Variants in ZNF365 observed in about 807,000 individuals in gnomAD.
ZNF365 encodes zinc finger protein 365.
In ZNF365, 22 loss-of-function variants were observed where a neutral mutation model predicts 35.0. That is an observed-to-expected ratio of 0.63 (90% CI 0.45 to 0.90). The LOEUF (loss-of-function observed/expected upper bound fraction) is 0.90. ZNF365 is among the 40% of genes least tolerant of loss of function. The probability of loss-of-function intolerance (pLI) is 0.00; values close to 1 mark genes in which losing one functional copy is unlikely to be tolerated. For synonymous variants in ZNF365, 188 were observed against 196.2 expected, an observed-to-expected ratio of 0.96 and a Z score of 0.35; for missense variants, 448 against 500.3, an observed-to-expected ratio of 0.90 and a Z score of 1.00.
chr10:62,383,314 A>G (rs1422265508), intron 2 of ZNF365, among the ~76,000 whole-genome samples: 1 of 152,204 alleles, frequency 6.6e-6, no homozygotes, highest in East Asian at 1.9e-4. Flanking sequence ...GTGCATGGTG[A>G]TAAGGTACAA....
Position 62,472,454 on chromosome 10 carries a change from A to C in ZNF365, c.982-7422A>C, listed in dbSNP as rs185153405. Among the ~76,000 whole-genome samples the C allele has an allele frequency of 6.3e-4, 96 of 152,344 alleles. 1 individual carries two copies. The highest frequency in any genetic ancestry group is 5.9e-5 in the Non-Finnish European group (4 of 68,036). On this transcript the variant is annotated intron_variant, in intron 4 of 4. Coordinates refer to the ZNF365 transcript ENST00000395255. ...AGAGTAGACCTTAACCCAATGTCAC[A>C]GGTGTTCTTAAAAAGGGAGAAATTT...
exon 4 of ZNF365, chr10:62,459,783 G>T: frequency 1.2e-6 from 2 of 1,609,650 alleles, no homozygotes; most frequent in South Asian, 1.1e-5. Context: ...GTGCCAAAAT[G>T]ACCTGGAATT....
At chr10:62,411,743 A>AT (rs1354343715) in intron 3 of ZNF365, among the ~76,000 whole-genome samples, 1 of 151,968 alleles carries the variant, frequency 6.6e-6, no homozygotes, top group East Asian at 1.9e-4. Flanking sequence ...TTTGCTTAGG[A>AT]TTGTCTTGGC....
chr10:62,398,928 A>G (rs752107837), intron 4 of ZNF365, 151 bp downstream of exon 4: 16 of 733,626 alleles, frequency 2.2e-5, no homozygotes, highest in Admixed American at 3.1e-5. Flanking sequence ...CTGCATGTGT[A>G]TCTAACTTTG....
intron 3 of ZNF365, among the ~76,000 whole-genome samples, chr10:62,458,305 A>G (rs1408094783): frequency 6.6e-6 from 1 of 152,062 alleles, no homozygotes; most frequent in Non-Finnish European, 1.5e-5. Context: ...ATCTATCCAT[A>G]CTATTCACTG....
exon 5 of ZNF365, chr10:62,479,893 A>G (rs777159806): frequency 6.2e-7 from 1 of 1,613,502 alleles, no homozygotes; most frequent in East Asian, 2.2e-5. Context: ...CGATTGTGGA[A>G]TAATGAACTT....
intron 4 of ZNF365, among the ~76,000 whole-genome samples, chr10:62,475,187 TC>T (rs1356538032): frequency 6.6e-6 from 1 of 152,190 alleles, no homozygotes; most frequent in Non-Finnish European, 1.5e-5. Flanking sequence ...ATCACTTAAT[TC>T]CTCACAATGG....
At chr10:62,454,118 A>G (rs551888417) in intron 3 of ZNF365, among the ~76,000 whole-genome samples, 1 of 152,326 alleles carries the variant, frequency 6.6e-6, no homozygotes, top group South Asian at 2.1e-4. Context: ...TTCTTCATGA[A>G]GATAATGATG....
intron 3 of ZNF365, among the ~76,000 whole-genome samples, chr10:62,409,390 G>C (rs1839952160): frequency 6.6e-6 from 1 of 152,160 alleles, no homozygotes; most frequent in Non-Finnish European, 1.5e-5. Flanking sequence ...TGTGATGTAA[G>C]AATGCCATTT....
intron 3 of ZNF365, among the ~76,000 whole-genome samples, chr10:62,391,378 C>T (rs570681764): frequency 2.0e-5 from 3 of 152,266 alleles, no homozygotes; most frequent in Non-Finnish European, 4.4e-5. Context: ...ATCTCTCACA[C>T]CCCTCTCATC....
intron 3 of ZNF365, among the ~76,000 whole-genome samples, chr10:62,445,775 C>T (rs1435289347): frequency 3.3e-5 from 5 of 152,184 alleles, no homozygotes; most frequent in Admixed American, 3.3e-4. Flanking sequence ...TTGAGAACCA[C>T]TGATTCAAAG....
chr10:62,444,809 T>C (rs775783251), intron 3 of ZNF365, among the ~76,000 whole-genome samples: 3 of 152,246 alleles, frequency 2.0e-5, no homozygotes, highest in Non-Finnish European at 4.4e-5. Context: ...AGTTTTAGGA[T>C]ACATGGGCAC....
At chr10:62,411,453 T>G (rs561638876) in intron 3 of ZNF365, among the ~76,000 whole-genome samples, 1 of 152,318 alleles carries the variant, frequency 6.6e-6, no homozygotes, top group African/African-American at 2.4e-5. Flanking sequence ...TTAATTTTTG[T>G]ATAAGGTGCA....
At chr10:62,430,216 T>C (rs899435475) in intron 3 of ZNF365, among the ~76,000 whole-genome samples, 32 of 151,824 alleles carry the variant, frequency 2.1e-4, no homozygotes, top group African/African-American at 7.7e-4. Flanking sequence ...TTTTTAAAGG[T>C]TCTAATTTTA....
intron 3 of ZNF365, among the ~76,000 whole-genome samples, chr10:62,445,535 T>C (rs1840572671): frequency 6.6e-6 from 1 of 152,198 alleles, no homozygotes; most frequent in Non-Finnish European, 1.5e-5. Flanking sequence ...CAGAATTGCA[T>C]GGAGAGCTTT....
chr10:62,423,959 T>C (rs932409587), intron 3 of ZNF365, among the ~76,000 whole-genome samples: 4 of 152,212 alleles, frequency 2.6e-5, no homozygotes, highest in Non-Finnish European at 4.4e-5. Context: ...TGAAGTATAT[T>C]ATACTTTCTT....
intron 3 of ZNF365, among the ~76,000 whole-genome samples, chr10:62,435,862 A>G (rs1589452800): frequency 1.3e-5 from 2 of 152,218 alleles, no homozygotes; most frequent in East Asian, 3.8e-4. Context: ...TGATGTCATT[A>G]TCTGAAATAT....
At chr10:62,444,310 C>T (rs746523439) in intron 3 of ZNF365, among the ~76,000 whole-genome samples, 1 of 152,248 alleles carries the variant, frequency 6.6e-6, no homozygotes, top group Admixed American at 6.5e-5. Context: ...TGAGAGGCCC[C>T]GGTAGGAGAC....
At chr10:62,411,297 C>A (rs1230233359) in intron 3 of ZNF365, among the ~76,000 whole-genome samples, 1 of 152,028 alleles carries the variant, frequency 6.6e-6, no homozygotes, top group Non-Finnish European at 1.5e-5. Flanking sequence ...TTCCACATGT[C>A]AATTTTTGCT....
Sources: allele counts gnomAD v4.1 joint callset (sites outside exome capture counted in the v4.1 genomes callset), GRCh38; gene constraint gnomAD v4.1.1; transcripts MANE v1.5; gene names NCBI Gene and HGNC (gene_info 2026-07-23, HGNC 2026-07-21).